Variants in SDK1 observed in about 807,000 individuals in gnomAD.
SDK1 encodes protein sidekick-1.
A neutral mutation model predicts 245.5 loss-of-function variants in SDK1; 157 were observed. That is an observed-to-expected ratio of 0.64 (90% CI 0.56 to 0.73). The LOEUF (loss-of-function observed/expected upper bound fraction) is 0.73, where lower values mean the gene tolerates loss of function less well. Among genes scored for constraint, SDK1 ranks in the 30% least tolerant of loss-of-function variants. The pLI is 0.00. For missense variants in SDK1, 3,583 were observed against 3,002.3 expected, an observed-to-expected ratio of 1.19 and a Z score of -4.52; for synonymous variants, 1,647 against 1,278.5, an observed-to-expected ratio of 1.29 and a Z score of -6.15.
At chr7:3,865,360 G>A (rs961580180) in intron 5 of SDK1, among the ~76,000 whole-genome samples, 2 of 152,244 alleles carry the variant, frequency 1.3e-5, no homozygotes, top group East Asian at 3.9e-4. Flanking sequence ...TTGGAGGGAT[G>A]TGGGAATGTG....
At chr7:3,642,551 C>G (rs1228741324) in intron 4 of SDK1, among the ~76,000 whole-genome samples, 1 of 152,152 alleles carries the variant, frequency 6.6e-6, no homozygotes, top group African/African-American at 2.4e-5. Context: ...ACAGTAATTA[C>G]TGCTTATTTC....
chr7:4,019,146 A>T (rs1786665208), intron 17 of SDK1, among the ~76,000 whole-genome samples: 1 of 152,214 alleles, frequency 6.6e-6, no homozygotes, highest in Non-Finnish European at 1.5e-5. Flanking sequence ...GACTGGGTAT[A>T]AAAACAGGAA....
At chr7:4,016,077 T>G (rs1786377605) in intron 16 of SDK1, among the ~76,000 whole-genome samples, 1 of 152,362 alleles carries the variant, frequency 6.6e-6, no homozygotes, top group South Asian at 2.1e-4. Flanking sequence ...GATGTTCCGG[T>G]CCACGCGTGT....
intron 4 of SDK1, among the ~76,000 whole-genome samples, chr7:3,761,955 A>G (rs1201828493): frequency 6.6e-6 from 1 of 152,232 alleles, no homozygotes; most frequent in Non-Finnish European, 1.5e-5. Flanking sequence ...TTTCCATATG[A>G]CAAGCCTTTA....
chr7:3,537,169 C>G (rs1351026861), intron 1 of SDK1, among the ~76,000 whole-genome samples: 3 of 152,174 alleles, frequency 2.0e-5, no homozygotes, highest in Non-Finnish European at 4.4e-5. Flanking sequence ...CGATCTGATA[C>G]CTATCATCAT....
rs530280617 is a variant in SDK1, at chr7:3,663,837, T to G, written c.713+21732T>G. Among the ~76,000 whole-genome samples, 5 of 152,332 alleles carry G rather than the reference T, an allele frequency of 3.3e-5. No homozygotes were observed. The East Asian group carries it at 9.6e-4, about 29-fold the overall frequency. Reference sequence around the variant, plus strand: ...AATCTAAGATTAGCTAACTATCCTGTAAAGGCTAAGCAAGGCAGAAAGGTT... The same window carrying G: ...AATCTAAGATTAGCTAACTATCCTGGAAAGGCTAAGCAAGGCAGAAAGGTT... On this transcript the variant is annotated intron_variant, in intron 4 of 44. Coordinates refer to ENST00000404826, the MANE Select transcript of SDK1 (RefSeq NM_152744.4).
At chr7:3,581,321 TATTA>T (rs1156699548) in intron 1 of SDK1, among the ~76,000 whole-genome samples, 6 of 152,110 alleles carry the variant, frequency 3.9e-5, no homozygotes, top group South Asian at 4.1e-4. Flanking sequence ...TAATCACTAT[TATTA>T]ATTAGTGGGC....
chr7:3,669,127 A>G (rs1281312120), intron 4 of SDK1, among the ~76,000 whole-genome samples: 2 of 152,228 alleles, frequency 1.3e-5, no homozygotes, highest in Non-Finnish European at 2.9e-5. Context: ...TAGGAGTGAT[A>G]ATGAACAAAT....
intron 4 of SDK1, among the ~76,000 whole-genome samples, chr7:3,666,214 G>A (rs1210789550): frequency 6.6e-6 from 1 of 151,814 alleles, no homozygotes; most frequent in Non-Finnish European, 1.5e-5. Flanking sequence ...GATGAAGTTC[G>A]AGCACTGGTC....
At chr7:4,243,230 C>T (rs1222069337) in intron 43 of SDK1, among the ~76,000 whole-genome samples, 4 of 152,154 alleles carry the variant, frequency 2.6e-5, no homozygotes, top group African/African-American at 7.2e-5. Flanking sequence ...AATAGACAGT[C>T]GTTCAGTTTG....
intron 13 of SDK1, among the ~76,000 whole-genome samples, chr7:3,985,569 G>A (rs1405949339): frequency 2.0e-5 from 3 of 152,106 alleles, no homozygotes; most frequent in Admixed American, 1.3e-4. Flanking sequence ...GGGGAGGATC[G>A]CCCAAGGCCA....
intron 1 of SDK1, among the ~76,000 whole-genome samples, chr7:3,475,780 C>T (rs1413564402): frequency 6.6e-6 from 1 of 152,110 alleles, no homozygotes; most frequent in Non-Finnish European, 1.5e-5. Context: ...AGACAGTCTT[C>T]CACAGATGCA....
At chr7:4,173,093 G>A (rs1162716162) in intron 32 of SDK1, among the ~76,000 whole-genome samples, 4 of 152,356 alleles carry the variant, frequency 2.6e-5, no homozygotes, top group Non-Finnish European at 4.4e-5. Flanking sequence ...ATGGTGCTGC[G>A]GTGTGGGTGC....
chr7:4,213,455 T>G (rs900883907), intron 38 of SDK1, among the ~76,000 whole-genome samples: 5 of 151,350 alleles, frequency 3.3e-5, no homozygotes, highest in African/African-American at 1.2e-4. Context: ...CATGGTGGCA[T>G]GTGCCTGTAG....
chr7:3,658,069 G>A (rs1042064345), intron 4 of SDK1, among the ~76,000 whole-genome samples: 2 of 152,304 alleles, frequency 1.3e-5, no homozygotes, highest in South Asian at 2.1e-4. Flanking sequence ...GCCCGACTTC[G>A]GTGGGGCTCC....
At chr7:3,448,150 T>G (rs1275342026) in intron 1 of SDK1, among the ~76,000 whole-genome samples, 1 of 152,202 alleles carries the variant, frequency 6.6e-6, no homozygotes, top group Non-Finnish European at 1.5e-5. Flanking sequence ...CAGTCTTGTA[T>G]AAGGTTCATT....
rs1207672292 is a variant in SDK1, at chr7:4,178,506, A to G, written c.5018A>G (p.Tyr1673Cys). The part of the protein sequence containing the change: ...ELTHLKKYRR[Y>C]EVIMTAYNII... ...GCAGATTTAAAGAAGTACCGGCGCTATGAAGTAATAATGACCGCCTATAAC... is the reference window on the plus strand; with the variant it reads ...GCAGATTTAAAGAAGTACCGGCGCTGTGAAGTAATAATGACCGCCTATAAC... Residue 1673 changes from tyrosine to cysteine, a missense_variant, in exon 35 of 45, where the codon TAT (tyrosine) becomes TGT (cysteine). By Grantham distance (194) the Tyr-to-Cys change is radical. Transcript: ENST00000404826. The G allele has an allele frequency of 2.5e-6, 4 of 1,613,764 alleles. No homozygotes were observed. The highest frequency in any genetic ancestry group is 2.2e-5 in the South Asian group (2 of 91,068).
chr7:4,240,015 A>G (rs773236391), intron 42 of SDK1, among the ~76,000 whole-genome samples: 2 of 152,226 alleles, frequency 1.3e-5, no homozygotes, highest in South Asian at 2.1e-4. Flanking sequence ...TAAGCAATTC[A>G]TCCTTCAAAG....
chr7:3,511,726 A>C (rs1313312107), intron 1 of SDK1, among the ~76,000 whole-genome samples: 3 of 152,046 alleles, frequency 2.0e-5, no homozygotes, highest in Admixed American at 6.6e-5. Context: ...AAGTTTAAAG[A>C]AGCAAAAAAT....
Sources: gnomAD v4.1 joint callset for allele counts (sites outside exome capture counted in the v4.1 genomes callset) on GRCh38, gnomAD v4.1.1 for gene constraint, MANE v1.5 for transcripts, NCBI Gene and HGNC (gene_info 2026-07-23, HGNC 2026-07-21) for gene names.